The following CUX1 variants were observed in gnomAD, a reference collection of about 807,000 sequenced individuals.
CUX1 encodes cut like homeobox 1, also known as protein CASP.
In CUX1, 31 loss-of-function variants were observed where a neutral mutation model predicts 158.8. The ratio of observed to expected loss-of-function variants is 0.20; its 90% confidence interval spans 0.15 to 0.26. CUX1 has a LOEUF of 0.26. Among genes scored for constraint, CUX1 ranks in the 10% least tolerant of loss-of-function variants. The pLI, the probability that CUX1 is intolerant of heterozygous loss-of-function variation, is 1.00. For synonymous variants in CUX1, 879 were observed against 862.1 expected, an observed-to-expected ratio of 1.02 and a Z score of -0.34; for missense variants, 1,589 against 2,014.6, an observed-to-expected ratio of 0.79 and a Z score of 4.04.
chr7:101,890,102 C>A (rs1054342547), intron 1 of CUX1, among the ~76,000 whole-genome samples: 3 of 152,024 alleles, frequency 2.0e-5, no homozygotes, highest in Non-Finnish European at 2.9e-5. Context: ...GAAGAGGGTG[C>A]GAGGAAAAAC....
In CUX1 at chr7:101,948,742, C is replaced by T. The variant is rs150569319; in HGVS notation, c.141+32517C>T. Among the ~76,000 whole-genome samples, 464 of 152,268 alleles carry T rather than the reference C, an allele frequency of 3.0e-3. 2 individuals are homozygous for T. Among genetic ancestry groups the T allele is most frequent in the African/African-American group, 9.8e-3 (406 of 41,544 alleles). Reference sequence around the variant, plus strand: ...TCAACCCGCCCTGGTACAGGAGCACCCCATTGAGGTCCTCCGTTTTCCAGA... The same window carrying T: ...TCAACCCGCCCTGGTACAGGAGCACTCCATTGAGGTCCTCCGTTTTCCAGA... On this transcript the variant is annotated intron_variant, in intron 2 of 23. Transcript: ENST00000292535.
At position 102,250,909 on chromosome 7, in the gene CUX1, C is replaced by T; in HGVS notation, c.*1867C>T. ...ATCAGTTACGGCTTCTACAAGTTTG[C>T]TAATTTAGACTTCTTTATTGCCATA... On this transcript the variant is annotated 3_prime_UTR_variant, in exon 24 of 24. Coordinates refer to ENST00000292535, the MANE Select transcript of CUX1 (RefSeq NM_181552.4). 1 of 984,862 alleles carries T rather than the reference C, an allele frequency of 1.0e-6. No homozygotes were observed. The highest frequency in any genetic ancestry group is 1.2e-6 in the Non-Finnish European group (1 of 829,540). The allele number at this position is 984,862 out of a possible 1,614,324, so 61.0% of individuals were successfully genotyped here. A position where few individuals can be genotyped will look rare whatever the true frequency, so the allele number is the denominator to read the frequency against.
At chr7:102,205,457 T>A (rs530469067) in intron 20 of CUX1, among the ~76,000 whole-genome samples, 69 of 152,200 alleles carry the variant, frequency 4.5e-4, no homozygotes, top group Non-Finnish European at 7.6e-4. Context: ...GGAGACAGAT[T>A]CCCCACTCAG....
intron 18 of CUX1, 150 bp downstream of exon 18, chr7:102,202,354 C>A: frequency 8.8e-7 from 1 of 1,138,554 alleles, no homozygotes; most frequent in Non-Finnish European, 1.2e-6. Flanking sequence ...TTCCAAGGTG[C>A]GGCTGGTGAA....
intron 1 of CUX1, among the ~76,000 whole-genome samples, chr7:101,865,606 G>C (rs971647919): frequency 6.6e-6 from 1 of 152,230 alleles, no homozygotes; most frequent in African/African-American, 2.4e-5. Flanking sequence ...TTTGGGGGCA[G>C]CCAGCGTCCG....
chr7:101,821,481 G>GAT lies in CUX1; in HGVS notation c.30+3812_30+3813insAT, dbSNP rs1167962234. 6.6e-5 allele frequency among the ~76,000 whole-genome samples: 10 copies of GAT among 151,522 alleles called. No homozygotes were observed. The East Asian group carries it at 1.6e-3, about 24-fold the overall frequency. On this transcript the variant is annotated intron_variant, in intron 1 of 23. Transcript: ENST00000292535. ...AGCCTCCCGAGTAGCTGGGACTACAGGCGCTGGCCACCAGGCCTGGCTAAT... is the reference window on the plus strand; with the variant it reads ...AGCCTCCCGAGTAGCTGGGACTACAGATGCGCTGGCCACCAGGCCTGGCTAAT...
intron 23 of CUX1, among the ~76,000 whole-genome samples, chr7:102,239,865 G>C (rs1799999951): frequency 6.6e-6 from 1 of 152,110 alleles, no homozygotes. Flanking sequence ...TCCTGCGTCA[G>C]CCTCCCAAGT....
At chr7:101,977,816 A>G (rs1399099815) in intron 2 of CUX1, among the ~76,000 whole-genome samples, 1 of 152,176 alleles carries the variant, frequency 6.6e-6, no homozygotes, top group African/African-American at 2.4e-5. Flanking sequence ...TCCTTCCAGG[A>G]GCCAAGAACT....
chr7:101,946,837 C>T (rs1457690862), intron 2 of CUX1, among the ~76,000 whole-genome samples: 1 of 152,188 alleles, frequency 6.6e-6, no homozygotes, highest in African/African-American at 2.4e-5. Context: ...TATTGATGCT[C>T]AACCCATGCT....
chr7:101,944,214 C>T (rs1192903566), intron 2 of CUX1, among the ~76,000 whole-genome samples: 1 of 151,972 alleles, frequency 6.6e-6, no homozygotes, highest in Non-Finnish European at 1.5e-5. Context: ...GGCTGGGTTG[C>T]AGGGGGTAGT....
chr7:102,009,807 T>C (rs1817787295), intron 2 of CUX1, among the ~76,000 whole-genome samples: 1 of 152,234 alleles, frequency 6.6e-6, no homozygotes, highest in Non-Finnish European at 1.5e-5. Flanking sequence ...ACCTCCTCAG[T>C]TGGGTAAAAG....
At position 102,250,568 on chromosome 7, in the gene CUX1, C is replaced by G; in HGVS notation, c.*1526C>G. 2 of 985,456 alleles carry G rather than the reference C, an allele frequency of 2.0e-6. No homozygotes were observed. Among genetic ancestry groups the G allele is most frequent in the Non-Finnish European group, 2.4e-6 (2 of 829,942 alleles). 61.0% of individuals were successfully genotyped at this position (985,456 alleles called of 1,614,324 possible). ...AGAGAACGTGGCATTCTGGGCTCCCCACTCCCATCCCTGTAGAAATGGCCC... is the reference window on the plus strand; with the variant it reads ...AGAGAACGTGGCATTCTGGGCTCCCGACTCCCATCCCTGTAGAAATGGCCC... On this transcript the variant is annotated 3_prime_UTR_variant, in exon 24 of 24. Coordinates refer to ENST00000292535, the MANE Select transcript of CUX1 (RefSeq NM_181552.4).
chr7:101,889,993 G>C (rs908395457), intron 1 of CUX1, among the ~76,000 whole-genome samples: 3 of 152,216 alleles, frequency 2.0e-5, no homozygotes, highest in African/African-American at 7.2e-5. Context: ...GTAGCAGAGA[G>C]GCAGCTGTCT....
In CUX1 at chr7:102,248,982, C is replaced by T. The variant is rs782547041; in HGVS notation, c.4458C>T (p.Ser1486=). 9.7e-6 allele frequency: 14 copies of T among 1,444,232 alleles called. 1 individual carries two copies. In the South Asian group the frequency reaches 1.6e-4, roughly 17 times the overall value. 89.5% of individuals were successfully genotyped at this position (1,444,232 alleles called of 1,614,324 possible). The change falls in exon 24 of 24, where the codon AGC becomes AGT. Residue 1486 remains serine (S), a synonymous_variant. Coordinates refer to ENST00000292535, the MANE Select transcript of CUX1 (RefSeq NM_181552.4). This position sits in a 1 kb window ranked among gnomAD's most constrained non-coding sequence, Gnocchi z 5.8. The part of the protein sequence containing the change: ...LRKKKAANLN[S]IIHRLEKAAS... Reference sequence around the variant, plus strand: ...AGAAGAAGGCCGCGAACTTGAACAGCATCATCCACCGCCTGGAGAAGGCCG... The same window carrying T: ...AGAAGAAGGCCGCGAACTTGAACAGTATCATCCACCGCCTGGAGAAGGCCG...
intron 8 of CUX1, among the ~76,000 whole-genome samples, chr7:102,123,781 G>A (rs1554494279): frequency 6.6e-6 from 1 of 151,882 alleles, no homozygotes; most frequent in African/African-American, 2.4e-5. Flanking sequence ...TCCCACCTCA[G>A]CCACCCAAGT....
rs556237321 is a variant in CUX1 at position 102,250,062 on chromosome 7, GAAAA to G, written c.*1029_*1032del. The G allele has an allele frequency of 6.4e-5, 51 of 802,754 alleles. No homozygotes were observed. The highest frequency in any genetic ancestry group is 2.8e-4 in the East Asian group (2 of 7,248). 49.7% of individuals were successfully genotyped at this position (802,754 alleles called of 1,614,324 possible). On this transcript the variant is annotated 3_prime_UTR_variant, in exon 24 of 24. Transcript: ENST00000292535. The stretch of plus-strand genomic sequence containing the variant: ...TCAGGACAAAAAAAAGAAAAAAAAA[GAAAA>G]AAAAAAAAGAAAAGATCCGAATCTA...
chr7:101,922,676 A>G (rs575732172), intron 2 of CUX1, among the ~76,000 whole-genome samples: 203 of 150,902 alleles, frequency 1.3e-3, no homozygotes, highest in African/African-American at 4.9e-3. Flanking sequence ...AGGAGGGGGG[A>G]TTCTAGAGCT....
At chr7:101,962,603 C>T (rs2129177989) in intron 2 of CUX1, among the ~76,000 whole-genome samples, 1 of 152,284 alleles carries the variant, frequency 6.6e-6, no homozygotes, top group South Asian at 2.1e-4. Context: ...ATGATAGAAG[C>T]GAGCTGAAGA....
intron 3 of CUX1, among the ~76,000 whole-genome samples, chr7:102,029,644 C>T (rs1003451354): frequency 7.2e-5 from 11 of 152,156 alleles, no homozygotes; most frequent in Non-Finnish European, 1.3e-4. Context: ...TGGAAATTTT[C>T]GAGGGCAGAA....
Sources: allele counts gnomAD v4.1 joint callset (sites outside exome capture counted in the v4.1 genomes callset), GRCh38; gene constraint gnomAD v4.1.1; non-coding constraint Gnocchi (gnomAD v3.1); transcripts MANE v1.5; gene names NCBI Gene and HGNC (gene_info 2026-07-23, HGNC 2026-07-21).